ARID2: variants seen among roughly 807,000 people sequenced by gnomAD.
ARID2 encodes AT-rich interactive domain-containing protein 2.
Under a neutral mutation model 184.6 loss-of-function variants are expected in ARID2, and 32 were observed. That is an observed-to-expected ratio of 0.17 (90% CI 0.13 to 0.23). ARID2 has a LOEUF of 0.23. Among genes scored for constraint, ARID2 ranks in the 10% least tolerant of loss-of-function variants. The pLI, the probability that ARID2 is intolerant of heterozygous loss-of-function variation, is 1.00. For missense variants in ARID2, 1,696 were observed against 2,197.6 expected, an observed-to-expected ratio of 0.77 and a Z score of 4.56; for synonymous variants, 836 against 772.6, an observed-to-expected ratio of 1.08 and a Z score of -1.36.
At chr12:45,849,848 A>G (rs1031179417) in intron 14 of ARID2, 72 bp downstream of exon 14, 16 of 1,467,160 alleles carry the variant, frequency 1.1e-5, no homozygotes, top group Non-Finnish European at 1.5e-5. Flanking sequence ...TATATATTCT[A>G]TGCATTTTAA....
chr12:45,766,305 T>C (rs1274133454), intron 3 of ARID2, among the ~76,000 whole-genome samples: 1 of 148,256 alleles, frequency 6.7e-6, no homozygotes, highest in African/African-American at 2.5e-5. Flanking sequence ...GTAGGTGGGA[T>C]TACAGGCGCC....
intron 16 of ARID2, chr12:45,881,555 C>G (rs1555159537): frequency 6.5e-6 from 1 of 153,270 alleles, no homozygotes; most frequent in Non-Finnish European, 1.5e-5. Context: ...TTTTGACTGG[C>G]TTTTTTTTAC....
At chr12:45,822,597 T>C (rs942414379) in intron 6 of ARID2, among the ~76,000 whole-genome samples, 4 of 152,104 alleles carry the variant, frequency 2.6e-5, no homozygotes, top group Non-Finnish European at 1.5e-5. Flanking sequence ...GCATGGTGTT[T>C]TAGGGAACTA....
At chr12:45,844,650 A>G (rs1308710180) in intron 11 of ARID2, among the ~76,000 whole-genome samples, 1 of 152,222 alleles carries the variant, frequency 6.6e-6, no homozygotes, top group Admixed American at 6.5e-5. Flanking sequence ...AATAGTAGCT[A>G]GCGTTTATAT....
intron 15 of ARID2, among the ~76,000 whole-genome samples, chr12:45,859,458 G>A (rs1468065805): frequency 6.6e-6 from 1 of 152,152 alleles, no homozygotes; most frequent in African/African-American, 2.4e-5. Flanking sequence ...ATTAAGTGAT[G>A]CACGACTGCA....
chr12:45,839,295 T>C (rs1943288376), intron 10 of ARID2, 34 bp from the exon 11 acceptor site: 1 of 1,550,920 alleles, frequency 6.4e-7, no homozygotes, highest in Non-Finnish European at 8.7e-7. Flanking sequence ...TATAATATTA[T>C]TGACTAATAA....
In ARID2 at chr12:45,839,699, T is replaced by C. The variant is rs569570279; in HGVS notation, c.1498+203T>C. 3 of 460,178 alleles carry C rather than the reference T, an allele frequency of 6.5e-6. No homozygotes were observed. The South Asian group carries it at 1.9e-4, about 30-fold the overall frequency. 28.5% of individuals were successfully genotyped at this position (460,178 alleles called of 1,614,324 possible). On this transcript the variant is annotated intron_variant, in intron 11 of 20. Transcript: ENST00000334344. ...CAAGGTGAGCTCATAGGAAGAATAG[T>C]ATAATAGGAAAATTAAGTTCGGCAG...
At chr12:45,759,924 T>C (rs1052196096) in intron 3 of ARID2, among the ~76,000 whole-genome samples, 1 of 152,202 alleles carries the variant, frequency 6.6e-6, no homozygotes, top group Non-Finnish European at 1.5e-5. Flanking sequence ...CCTTTTCATG[T>C]ATATGATATT....
intron 16 of ARID2, among the ~76,000 whole-genome samples, chr12:45,875,052 G>A (rs1275878880): frequency 3.3e-5 from 5 of 152,194 alleles, no homozygotes; most frequent in Admixed American, 2.6e-4. Context: ...GAGCCCAGGA[G>A]GCGGAGTTTG....
In ARID2 at chr12:45,852,072, A is replaced by G. The variant is rs1037692671; in HGVS notation, c.3949A>G (p.Asn1317Asp). The change falls in exon 15 of 21, where the codon AAT becomes GAT. Residue 1317 changes from asparagine to aspartate, a missense_variant. Asn to Asp is a conservative substitution (Grantham distance 23). Coordinates refer to ENST00000334344, the MANE Select transcript of ARID2 (RefSeq NM_152641.4). Reference protein sequence around the residue: ...SNSGKIQSETNQCSLISNGPS... With the variant: ...SNSGKIQSETDQCSLISNGPS... Reference sequence around the variant, plus strand: ...CTCAGGGAAAATTCAAAGTGAGACTAATCAGTGCTCACTAATCAGTAATGG... The same window carrying G: ...CTCAGGGAAAATTCAAAGTGAGACTGATCAGTGCTCACTAATCAGTAATGG... 2 of 1,614,136 alleles carry G rather than the reference A, an allele frequency of 1.2e-6. No individual in the cohort carries two copies. Among genetic ancestry groups the G allele is most frequent in the South Asian group, 1.1e-5 (1 of 91,092 alleles).
chr12:45,813,668 G>A (rs1042731082), intron 4 of ARID2, among the ~76,000 whole-genome samples: 2 of 152,026 alleles, frequency 1.3e-5, no homozygotes, highest in African/African-American at 4.8e-5. Flanking sequence ...TTGAATGGTA[G>A]TATAATAAAT....
intron 15 of ARID2, among the ~76,000 whole-genome samples, chr12:45,860,415 G>A (rs1943722874): frequency 6.6e-6 from 1 of 152,078 alleles, no homozygotes; most frequent in South Asian, 2.1e-4. Context: ...ATACAAAAAA[G>A]TAGTAACTTG....
chr12:45,756,680 G>A (rs574107684), intron 3 of ARID2, among the ~76,000 whole-genome samples: 1 of 152,194 alleles, frequency 6.6e-6, no homozygotes, highest in African/African-American at 2.4e-5. Flanking sequence ...TAGAAGAGTG[G>A]AGGAGGCTGG....
intron 3 of ARID2, among the ~76,000 whole-genome samples, chr12:45,744,787 ATGTT>A (rs768883167): frequency 4.9e-4 from 74 of 152,186 alleles, no homozygotes; most frequent in African/African-American, 1.8e-3. Flanking sequence ...CAGAAATCTT[ATGTT>A]TGTTTGCGTG....
At chr12:45,765,985 A>G (rs974296022) in intron 3 of ARID2, among the ~76,000 whole-genome samples, 5 of 152,176 alleles carry the variant, frequency 3.3e-5, no homozygotes, top group African/African-American at 9.6e-5. Flanking sequence ...ATGTTGTTTC[A>G]TATAGCAAAG....
At chr12:45,869,806 C>T (rs1251949057) in intron 16 of ARID2, among the ~76,000 whole-genome samples, 1 of 151,718 alleles carries the variant, frequency 6.6e-6, no homozygotes, top group Non-Finnish European at 1.5e-5. Context: ...TTGCTTGAAC[C>T]GGGGAGGTGG....
At chr12:45,817,601 A>T (rs1434687408) in intron 4 of ARID2, 69 bp from the exon 5 acceptor site, 8 of 792,088 alleles carry the variant, frequency 1.0e-5, no homozygotes, top group Non-Finnish European at 1.6e-5. Context: ...TGTGTTCTGT[A>T]TTCAAGGGAT....
At chr12:45,789,305 T>C (rs1299027123) in intron 3 of ARID2, 1 of 152,222 alleles carries the variant, frequency 6.6e-6, no homozygotes, top group East Asian at 1.9e-4. Context: ...TTATATTTTG[T>C]CTGTGAGATC....
chr12:45,895,660 G>A lies in ARID2; in HGVS notation c.5363+1939G>A, dbSNP rs944392573. 3.3e-5 allele frequency among the ~76,000 whole-genome samples: 5 copies of A among 152,262 alleles called. No individual in the cohort carries two copies. In the East Asian group the frequency reaches 7.7e-4, roughly 24 times the overall value. Reference sequence around the variant, plus strand: ...AGCGATTCTCCTGCCTCAGCCTCTCGAGTAGCTGGGATTATCGGCTCATGC... The same window carrying A: ...AGCGATTCTCCTGCCTCAGCCTCTCAAGTAGCTGGGATTATCGGCTCATGC... On this transcript the variant is annotated intron_variant, in intron 20 of 20. Transcript: ENST00000334344.
Sources: gnomAD v4.1 joint callset for allele counts (sites outside exome capture counted in the v4.1 genomes callset) on GRCh38, gnomAD v4.1.1 for gene constraint, MANE v1.5 for transcripts, NCBI Gene and HGNC (gene_info 2026-07-23, HGNC 2026-07-21) for gene names.